The following TSHR variants were observed in gnomAD, a reference collection of about 807,000 sequenced individuals.
TSHR encodes the protein thyrotropin receptor.
In TSHR, 51 loss-of-function variants were observed where a neutral mutation model predicts 64.1. The ratio of observed to expected loss-of-function variants is 0.80; its 90% CI spans 0.64 to 1.01. TSHR has a LOEUF of 1.01. TSHR is among the 50% of genes least tolerant of loss of function. The pLI, the probability that TSHR is intolerant of heterozygous loss-of-function variation, is 0.00. For missense variants in TSHR, 877 were observed against 942.8 expected (o/e 0.93, Z 0.91); for synonymous variants, 361 against 361.9 (o/e 1.00, Z 0.03).
intron 3 of TSHR, among the ~76,000 whole-genome samples, chr14:81,075,833 G>A (rs1044763919): frequency 1.3e-5 from 2 of 151,926 alleles, no homozygotes; most frequent in African/African-American, 4.8e-5. Context: ...CTGCTATAAA[G>A]ACACATGCAC....
At chr14:81,027,593 T>A (rs1884134943) in intron 1 of TSHR, among the ~76,000 whole-genome samples, 2 of 152,132 alleles carry the variant, frequency 1.3e-5, no homozygotes, top group Non-Finnish European at 2.9e-5. Flanking sequence ...ACCCCTAAAT[T>A]ATATACCCAG....
In TSHR at chr14:81,062,169, G is replaced by A. The variant is rs776556098; in HGVS notation, c.192G>A (p.Leu64=). Reference sequence around the variant, plus strand: ...ACAGGAAGCTTATTGAGACTCACCTGAGAACTATTCCAAGTCATGCATTTT... The same window carrying A: ...ACAGGAAGCTTATTGAGACTCACCTAAGAACTATTCCAAGTCATGCATTTT... The part of the protein sequence containing the change: ...TQTLKLIETH[L]RTIPSHAFSN... The change falls in exon 2 of 10, where the codon CTG becomes CTA. Residue 64 remains leucine (L), a synonymous_variant. Transcript: ENST00000298171. 26 of 1,611,836 alleles carry A rather than the reference G, an allele frequency of 1.6e-5. No homozygotes were observed. The highest frequency in any genetic ancestry group is 2.1e-5 in the Non-Finnish European group (25 of 1,178,816).
At chr14:81,064,635 A>G (rs1224606873) in intron 2 of TSHR, among the ~76,000 whole-genome samples, 1 of 152,176 alleles carries the variant, frequency 6.6e-6, no homozygotes, top group African/African-American at 2.4e-5. Flanking sequence ...CAAAAACACA[A>G]TAAATAAGTA....
chr14:80,990,757 C>G (rs908001937), intron 1 of TSHR, among the ~76,000 whole-genome samples: 1 of 152,078 alleles, frequency 6.6e-6, no homozygotes, highest in Non-Finnish European at 1.5e-5. Context: ...TGGGTTCAAG[C>G]GATTCTCCTG....
intron 1 of TSHR, among the ~76,000 whole-genome samples, chr14:81,060,707 C>CATTGTGT (rs1886174422): frequency 6.6e-6 from 1 of 152,040 alleles, no homozygotes. Context: ...AGAAAAAATA[C>CATTGTGT]ACAATGTTAT....
chr14:81,017,571 T>C (rs893638083), intron 1 of TSHR, among the ~76,000 whole-genome samples: 1 of 152,150 alleles, frequency 6.6e-6, no homozygotes. Flanking sequence ...AAAATTTAAG[T>C]TCCCAGAAGA....
At chr14:81,060,681 C>A (rs1886173184) in intron 1 of TSHR, among the ~76,000 whole-genome samples, 1 of 152,110 alleles carries the variant, frequency 6.6e-6, no homozygotes, top group East Asian at 1.9e-4. Flanking sequence ...TGAAAAGTAA[C>A]CCCTCAGCTT....
In TSHR at chr14:81,145,583, A is replaced by G. The variant is rs1891897205; in HGVS notation, c.*1230A>G. 4.3e-6 allele frequency: 1 copy of G among 233,108 alleles called. No individual in the cohort carries two copies. 14.4% of individuals were successfully genotyped at this position (233,108 alleles called of 1,614,324 possible). A position where few individuals can be genotyped will look rare whatever the true frequency, so the allele number is the denominator to read the frequency against. On this transcript the variant is annotated 3_prime_UTR_variant, in exon 10 of 10. Transcript: ENST00000298171. Reference sequence around the variant, plus strand: ...CAAATTTTGGCTATTTAGAGTTGCTACTTCACTATGAAGAGTCACTTCAAA... The same window carrying G: ...CAAATTTTGGCTATTTAGAGTTGCTGCTTCACTATGAAGAGTCACTTCAAA...
chr14:81,144,694 C>T lies in TSHR; in HGVS notation c.*341C>T, dbSNP rs1891864497. ...TGAGCTATGTCAATATAGAGCTTCTCAGTTTTGTATAACATTTCATACTAA... is the reference window on the plus strand; with the variant it reads ...TGAGCTATGTCAATATAGAGCTTCTTAGTTTTGTATAACATTTCATACTAA... On this transcript the variant is annotated 3_prime_UTR_variant, in exon 10 of 10. Coordinates refer to ENST00000298171, the MANE Select transcript of TSHR (RefSeq NM_000369.5). 3.2e-6 allele frequency: 1 copy of T among 310,842 alleles called. No individual in the cohort carries two copies. 19.3% of individuals were successfully genotyped at this position (310,842 alleles called of 1,614,324 possible). A position where few individuals can be genotyped will look rare whatever the true frequency, so the allele number is the denominator to read the frequency against.
At chr14:80,982,244 G>A (rs1158506949) in intron 1 of TSHR, 2 of 648,108 alleles carry the variant, frequency 3.1e-6, no homozygotes, top group African/African-American at 1.8e-5. Flanking sequence ...AAAGCCACTG[G>A]AGATTTCAGT....
intron 3 of TSHR, among the ~76,000 whole-genome samples, chr14:81,072,333 G>T (rs990556580): frequency 6.6e-6 from 1 of 152,154 alleles, no homozygotes; most frequent in Non-Finnish European, 1.5e-5. Context: ...TTTAAAAAAA[G>T]TATAGGACAT....
In TSHR at chr14:81,143,254, C is replaced by T. The variant is rs770115363; in HGVS notation, c.1196C>T (p.Thr399Ile). The change falls in exon 10 of 10, where the codon ACC (threonine) becomes ATC (isoleucine). Residue 399 changes from threonine to isoleucine, a missense_variant. Transcript: ENST00000298171. ...GGGGACAGTGAAGACATGGTGTGTA[C>T]CCCCAAGTCCGATGAGTTCAACCCG... is the stretch of plus-strand genomic sequence containing the variant. ...ICGDSEDMVC[T>I]PKSDEFNPCE... The T allele has an allele frequency of 1.2e-6, 2 of 1,614,108 alleles. No homozygotes were observed. The highest frequency in any genetic ancestry group is 4.5e-5 in the East Asian group (2 of 44,872).
At chr14:81,087,892 T>C in intron 3 of TSHR, 62 bp from the exon 4 acceptor site, 1 of 1,252,124 alleles carries the variant, frequency 8.0e-7, no homozygotes, top group Non-Finnish European at 1.2e-6. Flanking sequence ...TATGTTGTTT[T>C]GTCTTTGATA....
At chr14:81,028,966 C>T (rs999576693) in intron 1 of TSHR, among the ~76,000 whole-genome samples, 1 of 150,410 alleles carries the variant, frequency 6.6e-6, no homozygotes, top group Non-Finnish European at 1.5e-5. Context: ...AGTCTATTAT[C>T]ACAGAGCCTA....
intron 1 of TSHR, among the ~76,000 whole-genome samples, chr14:80,985,969 G>A (rs530615702): frequency 1.3e-5 from 2 of 152,062 alleles, no homozygotes; most frequent in Non-Finnish European, 2.9e-5. Context: ...TTCTTACCTC[G>A]TGTCAGCATT....
chr14:81,033,323 GAGTGAAGAC>G (rs1388972298), intron 1 of TSHR: 8 of 363,948 alleles, frequency 2.2e-5, no homozygotes, highest in Non-Finnish European at 4.3e-5. Context: ...GACACTCCGA[GAGTGAAGAC>G]AGTGAAGACA....
chr14:81,046,548 A>T (rs564616049), intron 1 of TSHR, among the ~76,000 whole-genome samples: 1 of 152,162 alleles, frequency 6.6e-6, no homozygotes, highest in South Asian at 2.1e-4. Flanking sequence ...TCAATTACCC[A>T]TATGACAATA....
chr14:81,038,754 T>A (rs1884779778), intron 1 of TSHR, among the ~76,000 whole-genome samples: 1 of 145,020 alleles, frequency 6.9e-6, no homozygotes, highest in African/African-American at 2.5e-5. Context: ...ATATATATAT[T>A]AAAAATAAAT....
intron 7 of TSHR, among the ~76,000 whole-genome samples, chr14:81,106,069 T>C (rs764390157): frequency 2.0e-5 from 3 of 152,192 alleles, no homozygotes; most frequent in Non-Finnish European, 4.4e-5. Flanking sequence ...GGATTGTGAT[T>C]GAAGCCACTG....
Sources: allele counts gnomAD v4.1 joint callset (sites outside exome capture counted in the v4.1 genomes callset), GRCh38; gene constraint gnomAD v4.1.1; transcripts MANE v1.5; gene names NCBI Gene and HGNC (gene_info 2026-07-23, HGNC 2026-07-21).